Variants in CSMD1 observed in about 807,000 individuals in gnomAD.
The protein encoded by CSMD1 is CUB and sushi domain-containing protein 1.
In CSMD1, 213 loss-of-function variants were observed where a neutral mutation model predicts 417.5. That is an observed-to-expected ratio of 0.51 (90% CI 0.46 to 0.57). The LOEUF is 0.57. Among genes scored for constraint, CSMD1 ranks in the 20% least tolerant of loss-of-function variants. CSMD1 has a pLI of 0.00. For missense variants in CSMD1, 6,923 were observed against 4,529.7 expected (o/e 1.53, Z -15.17); for synonymous variants, 2,862 against 1,736.8 (o/e 1.65, Z -16.11).
chr8:4,421,825 A>G (rs534881757), intron 2 of CSMD1, among the ~76,000 whole-genome samples: 17 of 152,128 alleles, frequency 1.1e-4, no homozygotes, highest in Non-Finnish European at 2.2e-4. Flanking sequence ...AAACAAGAAA[A>G]GTACAGAAAT....
chr8:3,419,043 G>A (rs918827452), intron 12 of CSMD1, among the ~76,000 whole-genome samples: 2 of 152,188 alleles, frequency 1.3e-5, no homozygotes, highest in Non-Finnish European at 2.9e-5. Flanking sequence ...CATACAAATA[G>A]TTAATGCTCT....
At chr8:4,504,538 A>C (rs1001281792) in intron 2 of CSMD1, among the ~76,000 whole-genome samples, 2 of 152,130 alleles carry the variant, frequency 1.3e-5, no homozygotes, top group African/African-American at 2.4e-5. Context: ...ATAAATATAC[A>C]TGTGCCATGA....
At chr8:3,220,690 GCATGGTGTCGTGCAC>G (rs1563155704) in intron 28 of CSMD1, among the ~76,000 whole-genome samples, 1 of 152,142 alleles carries the variant, frequency 6.6e-6, no homozygotes, top group East Asian at 1.9e-4. Flanking sequence ...AATTAGCAGA[GCATGGTGTCGTGCAC>G]CTGTAGTCCC....
intron 20 of CSMD1, among the ~76,000 whole-genome samples, chr8:3,366,044 G>A (rs114657965): frequency 6.6e-6 from 1 of 152,170 alleles, no homozygotes; most frequent in Admixed American, 6.5e-5. Flanking sequence ...AGGAATTTAT[G>A]AGATCTCAAA....
At position 3,020,476 on chromosome 8, in the gene CSMD1, C is replaced by G. The variant is rs540976461; in HGVS notation, c.7856-1826G>C. Among the ~76,000 whole-genome samples, 20 of 152,204 alleles carry G rather than the reference C, an allele frequency of 1.3e-4. No individual in the cohort carries two copies. In the South Asian group the frequency reaches 2.5e-3, roughly 19 times the overall value. ...CCCTGACCTCCTGGGTTCAAGACAT[C>G]CTTCTGCTCAGCCTCCCAAGTACCT... On this transcript the variant is annotated intron_variant, in intron 51 of 69. Coordinates refer to ENST00000635120, the MANE Select transcript of CSMD1 (RefSeq NM_033225.6).
chr8:4,326,164 T>C (rs1336274880), intron 3 of CSMD1, among the ~76,000 whole-genome samples: 1 of 152,142 alleles, frequency 6.6e-6, no homozygotes, highest in African/African-American at 2.4e-5. Context: ...TGCCAGAGAA[T>C]TTGGCTTTCT....
chr8:3,571,778 C>A (rs1194208150), intron 10 of CSMD1, among the ~76,000 whole-genome samples: 2 of 150,194 alleles, frequency 1.3e-5, no homozygotes, highest in African/African-American at 4.9e-5. Flanking sequence ...TTCCCCTGCA[C>A]CACTCCATGG....
At chr8:4,399,497 A>G (rs1032808156) in intron 3 of CSMD1, among the ~76,000 whole-genome samples, 2 of 152,138 alleles carry the variant, frequency 1.3e-5, no homozygotes, top group African/African-American at 4.8e-5. Context: ...CTTAAGTTCA[A>G]TGTCCTTAGC....
At chr8:3,037,698 C>G (rs1795013965) in intron 50 of CSMD1, among the ~76,000 whole-genome samples, 1 of 152,144 alleles carries the variant, frequency 6.6e-6, no homozygotes, top group South Asian at 2.1e-4. Context: ...TTTACCCTTA[C>G]AGCTTAACGA....
chr8:4,887,443 T>A (rs950915989), intron 1 of CSMD1, among the ~76,000 whole-genome samples: 1 of 152,046 alleles, frequency 6.6e-6, no homozygotes, highest in Non-Finnish European at 1.5e-5. Context: ...TATTAGATTT[T>A]TTTCACTTGG....
At chr8:4,251,724 A>C (rs1803090870) in intron 3 of CSMD1, among the ~76,000 whole-genome samples, 1 of 152,088 alleles carries the variant, frequency 6.6e-6, no homozygotes, top group Non-Finnish European at 1.5e-5. Context: ...CCTAGTCCTG[A>C]TGAGACGTCA....
At chr8:3,369,465 A>G (rs978911899) in intron 18 of CSMD1, 95 bp from the exon 19 acceptor site, 1 of 656,678 alleles carries the variant, frequency 1.5e-6, no homozygotes, top group Non-Finnish European at 2.7e-6. Context: ...TTGCACAAGG[A>G]TTAACAAATT....
rs543122710 is a variant in CSMD1 at position 3,525,957 on chromosome 8, A to T, written c.1345-32231T>A. Among the ~76,000 whole-genome samples the T allele has an allele frequency of 3.9e-5, 6 of 152,286 alleles. No homozygotes were observed. In the South Asian group the frequency reaches 8.3e-4, roughly 21 times the overall value. On this transcript the variant is annotated intron_variant, in intron 10 of 69. Transcript: ENST00000635120. Reference sequence around the variant, plus strand: ...TGCATTGTTCTTAAGCCTTACAACAATTCTTCAGCTCTGGTAAAATCAGCA... The same window carrying T: ...TGCATTGTTCTTAAGCCTTACAACATTTCTTCAGCTCTGGTAAAATCAGCA...
At chr8:3,360,647 T>C (rs113064032) in intron 20 of CSMD1, among the ~76,000 whole-genome samples, 2,552 of 152,278 alleles carry the variant, frequency 0.017, 77 homozygotes, top group African/African-American at 0.057. Context: ...TTGCAAAGAA[T>C]TGGGACAATG....
intron 1 of CSMD1, among the ~76,000 whole-genome samples, chr8:4,943,421 G>A (rs569975318): frequency 7.9e-5 from 12 of 151,900 alleles, no homozygotes; most frequent in African/African-American, 2.7e-4. Flanking sequence ...GCGTGAACCC[G>A]GGAGGCGGAG....
At chr8:4,262,171 A>T (rs1803932960) in intron 3 of CSMD1, among the ~76,000 whole-genome samples, 1 of 152,120 alleles carries the variant, frequency 6.6e-6, no homozygotes, top group African/African-American at 2.4e-5. Flanking sequence ...ATTCAGAGTC[A>T]TTTGCTTTTG....
In CSMD1 at chr8:4,137,377, A is replaced by C. The variant is rs1237056661; in HGVS notation, c.416-105278T>G. On this transcript the variant is annotated intron_variant, in intron 3 of 69. Coordinates refer to ENST00000635120, the MANE Select transcript of CSMD1 (RefSeq NM_033225.6). ...TAGAGAATGCAAACTTCTTATGCTA[A>C]ATAGATTAATGAAGAACAGAAAACA... 1.5e-5 allele frequency among the ~76,000 whole-genome samples: 2 copies of C among 134,460 alleles called. 1 individual carries two copies. Among genetic ancestry groups the C allele is most frequent in the Non-Finnish European group, 3.5e-5 (2 of 57,456 alleles). The allele number at this position is 134,460 out of a possible 152,430, so 88.2% of individuals were successfully genotyped here. A position where few individuals can be genotyped will look rare whatever the true frequency, so the allele number is the denominator to read the frequency against.
chr8:3,410,384 C>T (rs149124445), intron 12 of CSMD1, among the ~76,000 whole-genome samples: 1 of 152,178 alleles, frequency 6.6e-6, no homozygotes, highest in Non-Finnish European at 1.5e-5. Flanking sequence ...TGTGTCCCCA[C>T]CTAATTCTCA....
intron 1 of CSMD1, among the ~76,000 whole-genome samples, chr8:4,674,620 A>G (rs1026201283): frequency 1.3e-5 from 2 of 152,202 alleles, no homozygotes; most frequent in African/African-American, 4.8e-5. Context: ...AACACCAAGG[A>G]GACAAATAAT....
Sources: gnomAD v4.1 joint callset for allele counts (sites outside exome capture counted in the v4.1 genomes callset) on GRCh38, gnomAD v4.1.1 for gene constraint, MANE v1.5 for transcripts, NCBI Gene and HGNC (gene_info 2026-07-23, HGNC 2026-07-21) for gene names.